Variants in XPR1 observed in about 807,000 individuals in gnomAD.
XPR1 encodes the protein solute carrier family 53 member 1.
A neutral mutation model predicts 87.5 loss-of-function variants in XPR1; 28 were observed. The ratio of observed to expected loss-of-function variants is 0.32; its 90% CI spans 0.24 to 0.44. The LOEUF (loss-of-function observed/expected upper bound fraction) is 0.44, where lower values mean the gene tolerates loss of function less well. Ranked by LOEUF, XPR1 falls within the 20% of genes least tolerant of loss-of-function variation. The pLI is 1.00. For synonymous variants in XPR1, 300 were observed against 306.1 expected (o/e 0.98, Z 0.21); for missense variants, 559 against 862.3 (o/e 0.65, Z 4.41).
At chr1:180,673,939 A>G (rs568212270) in intron 1 of XPR1, among the ~76,000 whole-genome samples, 1 of 152,320 alleles carries the variant, frequency 6.6e-6, no homozygotes, top group South Asian at 2.1e-4. Context: ...GAACTGAGAC[A>G]TATCTCATGC....
chr1:180,636,258 A>G (rs964748892), intron 1 of XPR1, among the ~76,000 whole-genome samples: 3 of 152,228 alleles, frequency 2.0e-5, no homozygotes, highest in South Asian at 2.1e-4. Context: ...AGTTGCTGCA[A>G]CTTGTTTGAA....
At chr1:180,877,590 G>A (rs1470187321) in intron 13 of XPR1, among the ~76,000 whole-genome samples, 1 of 152,140 alleles carries the variant, frequency 6.6e-6, no homozygotes, top group African/African-American at 2.4e-5. Flanking sequence ...AGTTAACATA[G>A]GAAAGAACCC....
intron 2 of XPR1, among the ~76,000 whole-genome samples, chr1:180,740,620 T>C (rs1658885823): frequency 6.6e-6 from 1 of 152,210 alleles, no homozygotes; most frequent in Non-Finnish European, 1.5e-5. Context: ...TGTAGTTTCC[T>C]TTTTGTTCTG....
At chr1:180,777,866 A>G (rs1465075905) in intron 2 of XPR1, among the ~76,000 whole-genome samples, 1 of 152,252 alleles carries the variant, frequency 6.6e-6, no homozygotes, top group Admixed American at 6.5e-5. Flanking sequence ...CTAAGAAATC[A>G]TAGAAACTAT....
At chr1:180,855,999 G>A (rs190097835) in intron 11 of XPR1, among the ~76,000 whole-genome samples, 1 of 151,918 alleles carries the variant, frequency 6.6e-6, no homozygotes, top group African/African-American at 2.4e-5. Context: ...GTCATTACTG[G>A]CTCCTTCCTT....
chr1:180,795,602 A>G (rs1649540505), intron 3 of XPR1, among the ~76,000 whole-genome samples: 1 of 152,202 alleles, frequency 6.6e-6, no homozygotes, highest in Admixed American at 6.5e-5. Flanking sequence ...GAACCTGACT[A>G]CTTAATAAAT....
intron 2 of XPR1, among the ~76,000 whole-genome samples, chr1:180,685,732 A>C (rs1400498350): frequency 6.6e-6 from 1 of 152,158 alleles, no homozygotes; most frequent in East Asian, 1.9e-4. Flanking sequence ...GTATGTGTCG[A>C]GGAATTTATC....
At chr1:180,853,383 A>C (rs555498840) in intron 11 of XPR1, among the ~76,000 whole-genome samples, 1 of 151,952 alleles carries the variant, frequency 6.6e-6, no homozygotes, top group Non-Finnish European at 1.5e-5. Flanking sequence ...TTTGGCTTCT[A>C]ATATTTCTAT....
intron 2 of XPR1, among the ~76,000 whole-genome samples, chr1:180,695,443 TGCGCGC>T (rs1463954590): frequency 6.7e-6 from 1 of 149,890 alleles, no homozygotes; most frequent in African/African-American, 2.4e-5. Flanking sequence ...TGTGTGTGTA[TGCGCGC>T]GCACGCGCGC....
At chr1:180,706,299 C>A (rs73034820) in intron 2 of XPR1, among the ~76,000 whole-genome samples, 6,542 of 152,186 alleles carry the variant, frequency 0.043, 502 homozygotes, top group African/African-American at 0.15. Flanking sequence ...CTGATTAAGT[C>A]TAAGGAATGC....
intron 2 of XPR1, among the ~76,000 whole-genome samples, chr1:180,760,602 A>T (rs1269172508): frequency 6.6e-6 from 1 of 152,340 alleles, no homozygotes; most frequent in Non-Finnish European, 1.5e-5. Context: ...CCACTGCTCA[A>T]TCAAATAAAA....
chr1:180,706,882 T>C (rs1319002855), intron 2 of XPR1, among the ~76,000 whole-genome samples: 1 of 152,114 alleles, frequency 6.6e-6, no homozygotes, highest in Non-Finnish European at 1.5e-5. Flanking sequence ...TATCCCAAAG[T>C]GTTGGGATTA....
chr1:180,876,980 A>G (rs992502255), intron 13 of XPR1, among the ~76,000 whole-genome samples: 2 of 152,258 alleles, frequency 1.3e-5, no homozygotes, highest in Non-Finnish European at 2.9e-5. Context: ...AAAATAGTTT[A>G]CAAATAATTA....
chr1:180,879,642 A>G (rs1252901777), intron 13 of XPR1, among the ~76,000 whole-genome samples: 2 of 152,200 alleles, frequency 1.3e-5, no homozygotes, highest in African/African-American at 4.8e-5. Flanking sequence ...AGTCTTAATG[A>G]TGGCATACTC....
intron 1 of XPR1, among the ~76,000 whole-genome samples, chr1:180,649,663 T>G (rs1293514023): frequency 6.6e-6 from 1 of 152,170 alleles, no homozygotes; most frequent in African/African-American, 2.4e-5. Context: ...TGTTATGGAG[T>G]TAGATGGAGG....
chr1:180,682,837 T>C (rs1248861305), intron 2 of XPR1, among the ~76,000 whole-genome samples: 1 of 150,346 alleles, frequency 6.7e-6, no homozygotes, highest in Non-Finnish European at 1.5e-5. Flanking sequence ...TGTGTGCGTG[T>C]GTGTGTGTGT....
At chr1:180,671,006 G>A (rs77045611) in intron 1 of XPR1, among the ~76,000 whole-genome samples, 1 of 152,286 alleles carries the variant, frequency 6.6e-6, no homozygotes, top group East Asian at 1.9e-4. Flanking sequence ...CCAGGTGGAG[G>A]CAACAGTAAA....
At chr1:180,784,202 T>TC (rs1649049734) in intron 2 of XPR1, among the ~76,000 whole-genome samples, 1 of 152,050 alleles carries the variant, frequency 6.6e-6, no homozygotes, top group Non-Finnish European at 1.5e-5. Context: ...TACATTTCCA[T>TC]CAACAAGGAA....
intron 11 of XPR1, among the ~76,000 whole-genome samples, chr1:180,846,447 T>TA (rs1414621554): frequency 8.5e-6 from 1 of 117,434 alleles, no homozygotes; most frequent in African/African-American, 3.2e-5. Context: ...GTTTATTTAT[T>TA]TATTTTTTTT....
Sources: gnomAD v4.1 joint callset for allele counts (sites outside exome capture counted in the v4.1 genomes callset) on GRCh38, gnomAD v4.1.1 for gene constraint, MANE v1.5 for transcripts, NCBI Gene and HGNC (gene_info 2026-07-23, HGNC 2026-07-21) for gene names.